CD36: variants seen among roughly 807,000 people sequenced by gnomAD.
The protein encoded by CD36 is CD36 molecule (CD36 blood group), also known as platelet glycoprotein 4.
In CD36, 119 loss-of-function variants were observed where a neutral mutation model predicts 55.2. That is an observed-to-expected ratio of 2.15 (90% confidence interval 1.86 to 2.51). The LOEUF is 2.51. Ranked by LOEUF, CD36 falls within the 30% of genes most tolerant of loss-of-function variation. The pLI is 0.00. For missense variants in CD36, 819 were observed against 555.5 expected (o/e 1.47, Z -4.77); for synonymous variants, 186 against 193.6 (o/e 0.96, Z 0.33).
intron 1 of CD36, among the ~76,000 whole-genome samples, chr7:80,628,076 A>T (rs1452713330): frequency 6.6e-6 from 1 of 152,090 alleles, no homozygotes; most frequent in Non-Finnish European, 1.5e-5. Flanking sequence ...GAAAATCATC[A>T]GTGCATTTAA....
chr7:80,614,424 A>G (rs1451827374), intron 1 of CD36, among the ~76,000 whole-genome samples: 2 of 152,168 alleles, frequency 1.3e-5, no homozygotes, highest in Admixed American at 1.3e-4. Flanking sequence ...ATCTATATAT[A>G]TGTTCACTAA....
chr7:80,650,334 T>C (rs765034725), intron 3 of CD36, among the ~76,000 whole-genome samples: 6 of 152,124 alleles, frequency 3.9e-5, no homozygotes, highest in Admixed American at 1.3e-4. Flanking sequence ...ATGAAGTAGG[T>C]GGAATATTGT....
In CD36 at chr7:80,626,733, A is replaced by C. The variant is rs185212447; in HGVS notation, c.-183-19355A>C. On this transcript the variant is annotated intron_variant, in intron 1 of 13. Coordinates refer to the CD36 transcript ENST00000309881. ...TATTAGAAAACCACTTTACTTGAAA[A>C]GTACATTTTTGCAATTGTGGGAAAG... Among the ~76,000 whole-genome samples, 718 of 152,228 alleles carry C rather than the reference A, an allele frequency of 4.7e-3. 7 individuals carry two copies. The highest frequency in any genetic ancestry group is 0.017 in the African/African-American group (693 of 41,562).
At chr7:80,626,557 A>G (rs1284922545) in intron 1 of CD36, among the ~76,000 whole-genome samples, 4 of 152,052 alleles carry the variant, frequency 2.6e-5, no homozygotes, top group East Asian at 1.9e-4. Flanking sequence ...TAATACTTCT[A>G]TCCAATTAAT....
chr7:80,638,822 C>G (rs1343179666), intron 1 of CD36, 76 bp downstream of exon 1: 1 of 151,378 alleles, frequency 6.6e-6, no homozygotes, highest in Admixed American at 6.6e-5. Context: ...GGAGGTGACA[C>G]TACTGTATAA....
At chr7:80,668,526 A>G (rs1426883638) in intron 8 of CD36, among the ~76,000 whole-genome samples, 1 of 152,236 alleles carries the variant, frequency 6.6e-6, no homozygotes, top group African/African-American at 2.4e-5. Flanking sequence ...GTATACATTT[A>G]GAATGTTTCT....
intron 10 of CD36, 137 bp from the exon 11 acceptor site, chr7:80,671,785 A>G (rs1185985304): frequency 1.2e-5 from 9 of 727,246 alleles, no homozygotes; most frequent in Admixed American, 2.2e-5. Flanking sequence ...ATCAACTGAC[A>G]TAATTCTTCC....
intron 4 of CD36, among the ~76,000 whole-genome samples, chr7:80,657,226 GAA>G (rs1796162279): frequency 6.6e-6 from 1 of 152,150 alleles, no homozygotes; most frequent in African/African-American, 2.4e-5. Context: ...CCAAATGAAT[GAA>G]AGAGTTGAGG....
In CD36 at chr7:80,671,914, G is replaced by T. The variant is rs1584464195; in HGVS notation, c.1007-8G>T. 1 of 1,610,292 alleles carries T rather than the reference G, an allele frequency of 6.2e-7. No individual in the cohort carries two copies. Among genetic ancestry groups the T allele is most frequent in the Non-Finnish European group, 8.5e-7 (1 of 1,177,448 alleles). The stretch of plus-strand genomic sequence containing the variant: ...TAATTCCAATTGACTCTTAAAACTT[G>T]TCTTCAGGGAGACCTGTGTACATTT... On this transcript the variant is annotated splice_polypyrimidine_tract_variant and splice_region_variant and intron_variant, in intron 10 of 14. Coordinates refer to ENST00000447544, the MANE Select transcript of CD36 (RefSeq NM_001001548.3).
intron 9 of CD36, chr7:80,670,620 G>A (rs2116850806): frequency 3.2e-6 from 1 of 309,942 alleles, no homozygotes; most frequent in Non-Finnish European, 6.1e-6. Context: ...ATACACTCCA[G>A]TGAGTGGTCT....
At chr7:80,649,037 A>G (rs1266416319) in intron 3 of CD36, among the ~76,000 whole-genome samples, 3 of 152,140 alleles carry the variant, frequency 2.0e-5, no homozygotes, top group African/African-American at 7.2e-5. Flanking sequence ...ACAATACACA[A>G]TAGTCGTCGG....
At chr7:80,662,498 C>T (rs1208786444) in intron 5 of CD36, 1 of 273,882 alleles carries the variant, frequency 3.7e-6, no homozygotes, top group African/African-American at 2.3e-5. Flanking sequence ...GACGTGGAAC[C>T]TGCCGTTGTG....
At chr7:80,660,108 C>T (rs1796405633) in intron 4 of CD36, among the ~76,000 whole-genome samples, 2 of 152,144 alleles carry the variant, frequency 1.3e-5, no homozygotes, top group Non-Finnish European at 2.9e-5. Flanking sequence ...CCTTGGCTAT[C>T]TACTCACTTC....
chr7:80,646,650 A>G lies in CD36; in HGVS notation c.-89-2A>G. ...TGTTTTATGATCTCTTTCTAATGAT[A>G]GAACCAGAGCTTGTAGAAACCACTT... On this transcript the variant is annotated splice_acceptor_variant, in intron 2 of 14. Coordinates refer to ENST00000447544, the MANE Select transcript of CD36 (RefSeq NM_001001548.3). LOFTEE classifies it low-confidence loss of function (5UTR_SPLICE). 1 of 1,461,964 alleles carries G rather than the reference A, an allele frequency of 6.8e-7. No homozygotes were observed. Among genetic ancestry groups the G allele is most frequent in the Non-Finnish European group, 9.6e-7 (1 of 1,042,806 alleles). 90.6% of individuals were successfully genotyped at this position (1,461,964 alleles called of 1,614,324 possible). A position where few individuals can be genotyped will look rare whatever the true frequency, so the allele number is the denominator to read the frequency against.
intron 1 of CD36, among the ~76,000 whole-genome samples, chr7:80,639,242 G>T (rs1178625394): frequency 5.3e-5 from 8 of 151,678 alleles, no homozygotes; most frequent in African/African-American, 1.9e-4. Flanking sequence ...CACAACTTTT[G>T]GTATACCTGA....
intron 1 of CD36, among the ~76,000 whole-genome samples, chr7:80,607,109 T>C (rs1792596079): frequency 6.6e-6 from 1 of 152,142 alleles, no homozygotes; most frequent in African/African-American, 2.4e-5. Flanking sequence ...CCCATTATCT[T>C]CTCCACTCCA....
At chr7:80,654,792 G>A (rs545325201) in intron 3 of CD36, among the ~76,000 whole-genome samples, 5 of 151,234 alleles carry the variant, frequency 3.3e-5, no homozygotes, top group Admixed American at 6.6e-5. Flanking sequence ...TAAGGAATTC[G>A]CTTATTCCCT....
chr7:80,631,845 G>T, intron 1 of CD36, among the ~76,000 whole-genome samples: 1 of 151,162 alleles, frequency 6.6e-6, no homozygotes, highest in East Asian at 1.9e-4. Flanking sequence ...TATAAATAAT[G>T]TACAAAACAC....
intron 1 of CD36, among the ~76,000 whole-genome samples, chr7:80,612,547 T>C (rs1792930941): frequency 6.6e-6 from 1 of 152,160 alleles, no homozygotes; most frequent in African/African-American, 2.4e-5. Context: ...CAGTTGGGAA[T>C]TATCTTAAAA....
Sources: gnomAD v4.1 joint callset for allele counts (sites outside exome capture counted in the v4.1 genomes callset) on GRCh38, gnomAD v4.1.1 for gene constraint, MANE v1.5 for transcripts, NCBI Gene and HGNC (gene_info 2026-07-23, HGNC 2026-07-21) for gene names.